The following CALN1 variants were observed in gnomAD, a reference collection of about 807,000 sequenced individuals.
CALN1 encodes the protein calcium-binding protein 8.
In CALN1, 17 loss-of-function variants were observed where a neutral mutation model predicts 30.6. The observed-to-expected ratio is 0.56, with a 90% CI of 0.38 to 0.83. CALN1 has a LOEUF of 0.83. Ranked by LOEUF, CALN1 falls within the 40% of genes least tolerant of loss-of-function variation. The pLI is 0.00. For missense variants in CALN1, 291 were observed against 354.9 expected (o/e 0.82, Z 1.45); for synonymous variants, 156 against 131.4 (o/e 1.19, Z -1.28).
chr7:72,375,397 T>C (rs1159574721), intron 2 of CALN1, among the ~76,000 whole-genome samples: 1 of 151,558 alleles, frequency 6.6e-6, no homozygotes, highest in Non-Finnish European at 1.5e-5. Context: ...ACCCTGGCTC[T>C]GCAAAAAAAT....
chr7:72,437,523 G>GT (rs747684729), intron 1 of CALN1, among the ~76,000 whole-genome samples: 1 of 63,950 alleles, frequency 1.6e-5, no homozygotes, highest in Non-Finnish European at 3.3e-5. Context: ...CCAGTTGTGT[G>GT]GAGTGTGTGT....
intron 5 of CALN1, among the ~76,000 whole-genome samples, chr7:71,876,350 C>A (rs1048764467): frequency 2.0e-5 from 3 of 152,060 alleles, no homozygotes; most frequent in Admixed American, 2.0e-4. Context: ...CAAGGTCACT[C>A]CTCGTGTGTT....
intron 3 of CALN1, among the ~76,000 whole-genome samples, chr7:72,136,274 A>G (rs1287012066): frequency 1.3e-5 from 2 of 152,192 alleles, no homozygotes; most frequent in Non-Finnish European, 1.5e-5. Context: ...CAGCTTCTAC[A>G]TGAGCACTTG....
chr7:72,069,044 C>A (rs1284312308), intron 4 of CALN1, among the ~76,000 whole-genome samples: 1 of 152,156 alleles, frequency 6.6e-6, no homozygotes, highest in African/African-American at 2.4e-5. Flanking sequence ...CTTTTGAGTA[C>A]AATGAAAATT....
chr7:71,838,772 CCT>C (rs1355784967), intron 5 of CALN1, among the ~76,000 whole-genome samples: 1 of 152,028 alleles, frequency 6.6e-6, no homozygotes. Flanking sequence ...GGGGCTTTTC[CCT>C]CTTTTGCTTG....
At chr7:72,275,642 C>T (rs922642454) in intron 3 of CALN1, among the ~76,000 whole-genome samples, 4 of 152,274 alleles carry the variant, frequency 2.6e-5, no homozygotes, top group East Asian at 1.9e-4. Context: ...CAGCCAATCT[C>T]GGGACTTTAT....
chr7:71,878,067 T>C (rs112920544), intron 5 of CALN1, among the ~76,000 whole-genome samples: 5 of 152,190 alleles, frequency 3.3e-5, no homozygotes, highest in African/African-American at 1.2e-4. Context: ...ACGCTGATGG[T>C]GGCTGCTGGG....
At chr7:71,994,530 A>C (rs1183125837) in intron 5 of CALN1, among the ~76,000 whole-genome samples, 3 of 151,812 alleles carry the variant, frequency 2.0e-5, no homozygotes, top group Non-Finnish European at 2.9e-5. Flanking sequence ...AAAAAAAAAA[A>C]AAACAGTGAT....
rs562326478 is a variant in CALN1, at chr7:72,219,122, T to C, written c.244+59564A>G. ...TAAATAAGCACTCAGCCATTCTATT[T>C]CTCAATTACCTCTAGTGACCCTAAG... is the stretch of plus-strand genomic sequence containing the variant. On this transcript the variant is annotated intron_variant, in intron 3 of 6. Coordinates refer to ENST00000395275, the MANE Select transcript of CALN1 (RefSeq NM_031468.4). Among the ~76,000 whole-genome samples, 150 of 152,324 alleles carry C rather than the reference T, an allele frequency of 9.8e-4. 3 individuals are homozygous for C. In the South Asian group the frequency reaches 0.031, roughly 31 times the overall value.
At chr7:72,470,224 A>G in the CALN1 span, among the ~76,000 whole-genome samples, 19,375 of 152,098 alleles carry the variant, frequency 0.13, 2,510 homozygotes, top group African/African-American at 0.33. Flanking sequence ...TATTGTGAGA[A>G]TTACATATGT....
intron 3 of CALN1, among the ~76,000 whole-genome samples, chr7:72,215,341 C>A (rs1792709682): frequency 6.6e-6 from 1 of 152,148 alleles, no homozygotes; most frequent in Non-Finnish European, 1.5e-5. Context: ...CGCCTGTAAT[C>A]CCAGCACTTT....
chr7:72,282,883 G>A (rs372770065), intron 2 of CALN1, among the ~76,000 whole-genome samples: 14 of 152,046 alleles, frequency 9.2e-5, no homozygotes, highest in South Asian at 4.2e-4. Flanking sequence ...GTGAAACCCC[G>A]TCTCTACTAA....
intron 2 of CALN1, among the ~76,000 whole-genome samples, chr7:72,299,345 G>A (rs992233281): frequency 1.3e-5 from 2 of 152,068 alleles, no homozygotes; most frequent in Non-Finnish European, 2.9e-5. Context: ...TCTACTTAAT[G>A]CAGTAAAGCA....
chr7:72,422,517 C>T (rs1807646118), intron 1 of CALN1, among the ~76,000 whole-genome samples: 1 of 152,132 alleles, frequency 6.6e-6, no homozygotes, highest in Admixed American at 6.6e-5. Flanking sequence ...GTGACACCAT[C>T]CTCTGCAGAG....
chr7:71,855,083 C>T (rs984815774), intron 5 of CALN1, among the ~76,000 whole-genome samples: 1 of 152,194 alleles, frequency 6.6e-6, no homozygotes, highest in Non-Finnish European at 1.5e-5. Flanking sequence ...GTGAACACAG[C>T]TTAAACTCAA....
intron 5 of CALN1, among the ~76,000 whole-genome samples, chr7:72,002,922 G>T (rs1799597920): frequency 1.3e-5 from 2 of 152,114 alleles, no homozygotes; most frequent in Admixed American, 1.3e-4. Flanking sequence ...GAGATATTGA[G>T]GAAAGGATAC....
At chr7:72,024,705 G>T (rs1232109133) in intron 4 of CALN1, among the ~76,000 whole-genome samples, 1 of 151,962 alleles carries the variant, frequency 6.6e-6, no homozygotes, top group East Asian at 1.9e-4. Flanking sequence ...GGCCTGAACA[G>T]CACCTTTGAC....
At chr7:72,250,726 T>C (rs1277119806) in intron 3 of CALN1, among the ~76,000 whole-genome samples, 1 of 152,002 alleles carries the variant, frequency 6.6e-6, no homozygotes, top group Non-Finnish European at 1.5e-5. Context: ...CTCCCCCTCT[T>C]GCGACGTGAT....
At chr7:72,478,392 A>T in the CALN1 span, among the ~76,000 whole-genome samples, 1 of 144,848 alleles carries the variant, frequency 6.9e-6, no homozygotes, top group Admixed American at 6.9e-5. Context: ...ATTATATAGA[A>T]ATATATATAT....
Sources: gnomAD v4.1 joint callset for allele counts (sites outside exome capture counted in the v4.1 genomes callset) on GRCh38, gnomAD v4.1.1 for gene constraint, MANE v1.5 for transcripts, NCBI Gene and HGNC (gene_info 2026-07-23, HGNC 2026-07-21) for gene names.